Variants in RINT1 observed in about 807,000 individuals in gnomAD.
The protein encoded by RINT1 is RAD50-interacting protein 1.
Under a neutral mutation model 97.7 loss-of-function variants are expected in RINT1, and 75 were observed. The ratio of observed to expected loss-of-function variants is 0.77; its 90% CI spans 0.64 to 0.93. RINT1 has a LOEUF of 0.93. RINT1 is among the 40% of genes least tolerant of loss of function. RINT1 has a pLI of 0.00. For missense variants in RINT1, 892 were observed against 925.2 expected (o/e 0.96, Z 0.47); for synonymous variants, 303 against 326.3 (o/e 0.93, Z 0.77).
chr7:105,554,374 G>A (rs1791080547), intron 10 of RINT1, among the ~76,000 whole-genome samples: 3 of 151,584 alleles, frequency 2.0e-5, no homozygotes, highest in Admixed American at 2.0e-4. Context: ...TTAATTTATT[G>A]AAGTTCTTTC....
chr7:105,551,504 A>T, intron 9 of RINT1, 66 bp from the exon 10 acceptor site: 1 of 1,375,266 alleles, frequency 7.3e-7, no homozygotes, highest in Non-Finnish European at 9.8e-7. Context: ...CTAAAAAATT[A>T]CAAGTTGAAT....
Position 105,550,456 on chromosome 7 carries a change from T to C in RINT1, c.1303T>C (p.Phe435Leu). The part of the protein sequence containing the change: ...CMHILSEETC[F>L]QRWLTVERKF... ...GCATATTCTATCAGAGGAAACCTGT[T>C]TTCAGAGATGGTTGACGGTGGAGAG... The change falls in exon 9 of 15, where the codon TTT becomes CTT. Residue 435 changes from phenylalanine to leucine, a missense_variant. Coordinates refer to ENST00000257700, the MANE Select transcript of RINT1 (RefSeq NM_021930.6). 6.2e-7 allele frequency: 1 copy of C among 1,614,080 alleles called. No homozygotes were observed.
intron 4 of RINT1, 43 bp from the exon 5 acceptor site, chr7:105,546,867 T>G: frequency 1.4e-6 from 2 of 1,445,350 alleles, no homozygotes; most frequent in Non-Finnish European, 1.9e-6. Flanking sequence ...AGAGTGAGAC[T>G]CTGTCTCAAA....
intron 4 of RINT1, among the ~76,000 whole-genome samples, chr7:105,545,951 C>G (rs930347021): frequency 6.7e-6 from 1 of 149,032 alleles, no homozygotes; most frequent in East Asian, 2.0e-4. Context: ...TTACAGGTGC[C>G]CACCACCATG....
intron 2 of RINT1, among the ~76,000 whole-genome samples, chr7:105,534,234 AATTTTTGT>A (rs964031653): frequency 1.3e-5 from 2 of 152,062 alleles, no homozygotes; most frequent in Admixed American, 1.3e-4. Context: ...ACACCCGGCT[AATTTTTGT>A]ATTTTTAGTA....
chr7:105,535,550 T>A (rs1358945672), intron 2 of RINT1: 1 of 454,118 alleles, frequency 2.2e-6, no homozygotes, highest in Non-Finnish European at 4.4e-6. Flanking sequence ...CTTTTTTGTT[T>A]GTTTGTTTGT....
chr7:105,539,970 C>T (rs990137909), intron 3 of RINT1, among the ~76,000 whole-genome samples: 1 of 152,092 alleles, frequency 6.6e-6, no homozygotes, highest in African/African-American at 2.4e-5. Context: ...TATCTAATCA[C>T]TGTTGATTGA....
In RINT1 at chr7:105,547,331, C is replaced by CTCG. The variant is rs1252330700; in HGVS notation, c.839_839+2dup. 3.1e-6 allele frequency: 5 copies of CTCG among 1,613,718 alleles called. No individual in the cohort carries two copies. In the Admixed American group the frequency reaches 6.7e-5, roughly 22 times the overall value. On this transcript the variant is annotated inframe_insertion and splice_region_variant, in exon 6 of 15. Coordinates refer to ENST00000257700, the MANE Select transcript of RINT1 (RefSeq NM_021930.6). ...TTTGTCAGCTTTTGAAACTACAAAC[C>CTCG]TCGTATCTTTGTTGCAGCTGAAAAC...
In RINT1 at chr7:105,550,100, A is replaced by G. The variant is rs374037415; in HGVS notation, c.1042A>G (p.Thr348Ala). 6.2e-7 allele frequency: 1 copy of G among 1,613,724 alleles called. No individual in the cohort carries two copies. The highest frequency in any genetic ancestry group is 1.3e-5 in the African/African-American group (1 of 74,908). Residue 348 changes from threonine (T) to alanine (A), a missense_variant, in exon 8 of 15, where the codon ACT becomes GCT. Thr to Ala is a moderately conservative substitution (Grantham distance 58). Coordinates refer to ENST00000257700, the MANE Select transcript of RINT1 (RefSeq NM_021930.6). ...AGTACTTATGTGGATTGGAAACCAT[A>G]CTGAATTTCTGGATGAGAAGATTCA... Reference protein sequence around the residue: ...AQVLMWIGNHTEFLDEKIQPI... With the variant: ...AQVLMWIGNHAEFLDEKIQPI...
In RINT1 at chr7:105,562,760, A is replaced by C. The variant is rs1791494094; in HGVS notation, c.1672-973A>C. ...AAAGTTACAAAAAAAAAAATTAGCC[A>C]GGTGTGCTGGCACACGCCCGTAATC... is the stretch of plus-strand genomic sequence containing the variant. On this transcript the variant is annotated intron_variant, in intron 11 of 14. Coordinates refer to ENST00000257700, the MANE Select transcript of RINT1 (RefSeq NM_021930.6). 1.3e-5 allele frequency among the ~76,000 whole-genome samples: 2 copies of C among 152,084 alleles called. 1 individual carries two copies. Among genetic ancestry groups the C allele is most frequent in the Admixed American group, 1.3e-4 (2 of 15,242 alleles).
rs746568643 is a variant in RINT1 at position 105,563,900 on chromosome 7, CG to C, written c.1840del (p.Val614PhefsTer28). 3 of 1,613,924 alleles carry C rather than the reference CG, an allele frequency of 1.9e-6. No individual in the cohort carries two copies. Among genetic ancestry groups the C allele is most frequent in the Non-Finnish European group, 2.5e-6 (3 of 1,179,986 alleles). Reference sequence around the variant, plus strand: ...ATATGTTGACCCGTCAAGTAGACCACGTTTTTAGAGAAGTTAAAGATGCTGC... The same window carrying C: ...ATATGTTGACCCGTCAAGTAGACCACTTTTTAGAGAAGTTAAAGATGCTGC... The part of the protein sequence containing the change: ...HDMLTRQVDH[V>X]FREVKDAAKL... On this transcript the variant is annotated frameshift_variant, in exon 12 of 15. Transcript: ENST00000257700. LOFTEE classifies it high-confidence loss of function.
intron 4 of RINT1, among the ~76,000 whole-genome samples, chr7:105,544,127 A>G (rs910345845): frequency 3.3e-5 from 5 of 151,714 alleles, no homozygotes; most frequent in Non-Finnish European, 5.9e-5. Context: ...AAACAAAAAA[A>G]CTTTGTTTTG....
chr7:105,539,645 G>T (rs913234357), intron 3 of RINT1, among the ~76,000 whole-genome samples: 1 of 152,024 alleles, frequency 6.6e-6, no homozygotes, highest in Non-Finnish European at 1.5e-5. Flanking sequence ...TGGGATTACA[G>T]GCGTGAGTCA....
chr7:105,551,829 G>GCTGA, intron 10 of RINT1, 122 bp downstream of exon 10: 7 of 703,866 alleles, frequency 9.9e-6, no homozygotes, highest in Non-Finnish European at 1.5e-5. Context: ...ACTTTGAGAG[G>GCTGA]CTGAGACGGG....
intron 11 of RINT1, among the ~76,000 whole-genome samples, chr7:105,560,465 G>T (rs531988856): frequency 1.3e-5 from 2 of 152,152 alleles, no homozygotes; most frequent in Admixed American, 6.6e-5. Context: ...GCGGGGGCAC[G>T]GGAGGAGAGA....
chr7:105,561,549 G>T (rs186759502), intron 11 of RINT1, among the ~76,000 whole-genome samples: 1 of 152,180 alleles, frequency 6.6e-6, no homozygotes, highest in East Asian at 1.9e-4. Flanking sequence ...AAAACAAGTA[G>T]ATAGTGTCAT....
Position 105,542,495 on chromosome 7 carries a change from C to G in RINT1, c.361C>G (p.Leu121Val), listed in dbSNP as rs1031603218. The change falls in exon 4 of 15, where the codon CTG (leucine) becomes GTG (valine). Residue 121 changes from leucine (L) to valine (V), a missense_variant. Coordinates refer to ENST00000257700, the MANE Select transcript of RINT1 (RefSeq NM_021930.6). ...EESKQFLNQF[L>V]EQETHLFSAI... ...ATCAAAGCAATTTCTTAATCAGTTT[C>G]TGGAGCAGGAAACTCATCTCTTCAG... 1 of 1,614,086 alleles carries G rather than the reference C, an allele frequency of 6.2e-7. No individual in the cohort carries two copies. The highest frequency in any genetic ancestry group is 8.5e-7 in the Non-Finnish European group (1 of 1,179,988).
chr7:105,540,099 G>A (rs1264806510), intron 3 of RINT1, among the ~76,000 whole-genome samples: 1 of 138,420 alleles, frequency 7.2e-6, no homozygotes, highest in Non-Finnish European at 1.5e-5. Flanking sequence ...TTTTTTTTGA[G>A]ATGGAGTCTT....
In RINT1 at chr7:105,544,913, GCTT is replaced by G. The variant is rs1261032583; in HGVS notation, c.516-1994_516-1992del. Among the ~76,000 whole-genome samples the G allele has an allele frequency of 3.3e-5, 5 of 152,050 alleles. No individual in the cohort carries two copies. In the South Asian group the frequency reaches 6.2e-4, roughly 19 times the overall value. On this transcript the variant is annotated intron_variant, in intron 4 of 14. Transcript: ENST00000257700. The stretch of plus-strand genomic sequence containing the variant: ...TCTCCATTTCCAGCTTTCCTTTAGA[GCTT>G]CTGGGATTTTCTTCATCTCTAAATT...
Sources: allele counts gnomAD v4.1 joint callset (sites outside exome capture counted in the v4.1 genomes callset), GRCh38; gene constraint gnomAD v4.1.1; transcripts MANE v1.5; gene names NCBI Gene and HGNC (gene_info 2026-07-23, HGNC 2026-07-21).